Variants in CRMP1 observed in about 807,000 individuals in gnomAD.
The protein encoded by CRMP1 is collapsin response mediator protein 1.
A neutral mutation model predicts 68.3 loss-of-function variants in CRMP1; 19 were observed. The observed-to-expected ratio is 0.28, with a 90% CI of 0.19 to 0.41. The LOEUF (loss-of-function observed/expected upper bound fraction) is 0.41, where lower values mean the gene tolerates loss of function less well. CRMP1 is among the 10% of genes least tolerant of loss of function. The pLI is 1.00. For missense variants in CRMP1, 791 were observed against 967.4 expected, an observed-to-expected ratio of 0.82 and a Z score of 2.42; for synonymous variants, 439 against 399.6, an observed-to-expected ratio of 1.10 and a Z score of -1.18.
intron 6 of CRMP1, among the ~76,000 whole-genome samples, chr4:5,845,827 T>G (rs1171082188): frequency 1.3e-5 from 2 of 152,070 alleles, no homozygotes; most frequent in Admixed American, 1.3e-4. Flanking sequence ...GAATGGACTC[T>G]TAGAAGAAAT....
Position 5,865,953 on chromosome 4 carries a change from TTCAGGAAGGCC to T in CRMP1, c.470+704_470+714del, listed in dbSNP as rs1486448368. 6.6e-6 allele frequency among the ~76,000 whole-genome samples: 1 copy of T among 151,960 alleles called. No individual in the cohort carries two copies. Among genetic ancestry groups the T allele is most frequent in the Non-Finnish European group, 1.5e-5 (1 of 67,984 alleles). On this transcript the variant is annotated intron_variant, in intron 2 of 13. Coordinates refer to ENST00000324989, the MANE Select transcript of CRMP1 (RefSeq NM_001014809.3). The surrounding 1 kb of genome is among the most constrained non-coding windows in gnomAD (Gnocchi z 4.1). ...GCCAAGGAAGAACCTCAGGAAGAAG[TTCAGGAAGGCC>T]TCAGGAAGAACCAACCCTGACGGCA...
Position 5,890,530 on chromosome 4 carries a change from G to T in CRMP1, c.381+2059C>A, listed in dbSNP as rs113380772. Among the ~76,000 whole-genome samples, 593 of 152,378 alleles carry T rather than the reference G, an allele frequency of 3.9e-3. 4 individuals are homozygous for T. The highest frequency in any genetic ancestry group is 0.013 in the African/African-American group (529 of 41,596). On this transcript the variant is annotated intron_variant, in intron 1 of 13. Coordinates refer to ENST00000324989, the MANE Select transcript of CRMP1 (RefSeq NM_001014809.3). This position sits in a 1 kb window ranked among gnomAD's most constrained non-coding sequence, Gnocchi z 5.5. ...AAGCCTCAAGGCCGCTCTGCCGGCAGAAAGTAAAACCCTCCCTCCGTGGAG... is the reference window on the plus strand; with the variant it reads ...AAGCCTCAAGGCCGCTCTGCCGGCATAAAGTAAAACCCTCCCTCCGTGGAG...
chr4:5,859,412 C>T lies in CRMP1; in HGVS notation c.655+1614G>A, dbSNP rs1239146539. On this transcript the variant is annotated intron_variant, in intron 3 of 13. Transcript: ENST00000324989. This position sits in a 1 kb window ranked among gnomAD's most constrained non-coding sequence, Gnocchi z 5.2. ...ATCCCAGGAACCCTGGCTCCTCATC[C>T]AGTACTCCTTCCCCTGCCCTGTGCA... 4.6e-5 allele frequency among the ~76,000 whole-genome samples: 7 copies of T among 152,224 alleles called. No homozygotes were observed. The highest frequency in any genetic ancestry group is 1.7e-4 in the African/African-American group (7 of 41,446).
Position 5,861,297 on chromosome 4 carries a change from A to G in CRMP1, c.471-87T>C, listed in dbSNP as rs2152468001. 1 of 1,398,552 alleles carries G rather than the reference A, an allele frequency of 7.2e-7. No individual in the cohort carries two copies. The highest frequency in any genetic ancestry group is 1.3e-5 in the South Asian group (1 of 76,476). The allele number at this position is 1,398,552 out of a possible 1,614,324, so 86.6% of individuals were successfully genotyped here. A position where few individuals can be genotyped will look rare whatever the true frequency, so the allele number is the denominator to read the frequency against. On this transcript the variant is annotated intron_variant, in intron 2 of 13. Coordinates refer to ENST00000324989, the MANE Select transcript of CRMP1 (RefSeq NM_001014809.3). The surrounding 1 kb of genome is among the most constrained non-coding windows in gnomAD (Gnocchi z 6.0). ...CCGCAGCTTCAGTTCCATGAAATAA[A>G]CATTTCTGAGCCAGGCCCTTCACAA...
At position 5,829,281 on chromosome 4, in the gene CRMP1, C is replaced by T. The variant is rs548337192; in HGVS notation, c.1624-613G>A. Reference sequence around the variant, plus strand: ...GCTCATGCCTGTACCCCCAACTACTCGGGAGGCTGAGGTATGAGAACTGCT... The same window carrying T: ...GCTCATGCCTGTACCCCCAACTACTTGGGAGGCTGAGGTATGAGAACTGCT... On this transcript the variant is annotated intron_variant, in intron 11 of 13. Transcript: ENST00000324989. 3.9e-5 allele frequency among the ~76,000 whole-genome samples: 6 copies of T among 152,188 alleles called. No homozygotes were observed. In the East Asian group the frequency reaches 1.2e-3, roughly 29 times the overall value.
chr4:5,883,060 T>C lies in CRMP1; in HGVS notation c.381+9529A>G, dbSNP rs948578986. ...TCCTCTGATTCACCTGTGTGAAATA[T>C]TCCACCCACCTTGCATGCCCTTCCC... On this transcript the variant is annotated intron_variant, in intron 1 of 13. Coordinates refer to ENST00000324989, the MANE Select transcript of CRMP1 (RefSeq NM_001014809.3). This position sits in a 1 kb window ranked among gnomAD's most constrained non-coding sequence, Gnocchi z 4.5. Among the ~76,000 whole-genome samples the C allele has an allele frequency of 3.9e-5, 6 of 152,142 alleles. No homozygotes were observed. Among genetic ancestry groups the C allele is most frequent in the Non-Finnish European group, 8.8e-5 (6 of 68,024 alleles).
At chr4:5,887,033 G>T (rs1416970592) in intron 1 of CRMP1, among the ~76,000 whole-genome samples, 2 of 152,130 alleles carry the variant, frequency 1.3e-5, no homozygotes, top group African/African-American at 4.8e-5. Context: ...GCAGGACAGT[G>T]CAGGGGAGGC....
rs971703505 is a variant in CRMP1 at position 5,842,200 on chromosome 4, T to C, written c.1033-772A>G. Among the ~76,000 whole-genome samples the C allele has an allele frequency of 1.3e-5, 2 of 151,930 alleles. No homozygotes were observed. The highest frequency in any genetic ancestry group is 2.4e-5 in the African/African-American group (1 of 41,366). ...TTGCAGTGAGCCAAGATGGCGCCAC[T>C]TCACTCCAGCCTGGGCGACAGAGCG... is the stretch of plus-strand genomic sequence containing the variant. On this transcript the variant is annotated intron_variant, in intron 7 of 13. Transcript: ENST00000324989. This position sits in a 1 kb window ranked among gnomAD's most constrained non-coding sequence, Gnocchi z 4.5.
At chr4:5,868,302 T>TATATATAC (rs1408017840) in intron 1 of CRMP1, among the ~76,000 whole-genome samples, 2 of 126,872 alleles carry the variant, frequency 1.6e-5, no homozygotes, top group African/African-American at 5.9e-5. Context: ...TATATATATA[T>TATATATAC]ACATAATTTT....
Position 5,888,549 on chromosome 4 carries a change from C to T in CRMP1, c.381+4040G>A, listed in dbSNP as rs998970239. On this transcript the variant is annotated intron_variant, in intron 1 of 13. Transcript: ENST00000324989. The surrounding 1 kb of genome is among the most constrained non-coding windows in gnomAD (Gnocchi z 6.4). The stretch of plus-strand genomic sequence containing the variant: ...GGAGGGGGCTGCAGACAGCTCCTCC[C>T]GGCGGCGCGGAGCGAAGCCGGATTC... 2.9e-5 allele frequency: 33 copies of T among 1,143,234 alleles called. No homozygotes were observed. The highest frequency in any genetic ancestry group is 4.4e-5 in the South Asian group (1 of 22,724). The allele number at this position is 1,143,234 out of a possible 1,614,324, so 70.8% of individuals were successfully genotyped here. A position where few individuals can be genotyped will look rare whatever the true frequency, so the allele number is the denominator to read the frequency against.
intron 6 of CRMP1, among the ~76,000 whole-genome samples, chr4:5,846,355 G>A (rs1465604238): frequency 6.6e-6 from 1 of 152,158 alleles, no homozygotes; most frequent in East Asian, 1.9e-4. Flanking sequence ...GGCTGTGCCT[G>A]TGGACCATCT....
rs1281226236 is a variant in CRMP1 at position 5,855,839 on chromosome 4, A to G, written c.820+304T>C. ...CAGCATAGCCAGTTTCAGGGATGGC[A>G]GCCAGGCTAGTGATCCGGGTGATGG... is the stretch of plus-strand genomic sequence containing the variant. On this transcript the variant is annotated intron_variant, in intron 4 of 13. Coordinates refer to ENST00000324989, the MANE Select transcript of CRMP1 (RefSeq NM_001014809.3). This position sits in a 1 kb window ranked among gnomAD's most constrained non-coding sequence, Gnocchi z 4.9. Among the ~76,000 whole-genome samples the G allele has an allele frequency of 6.6e-6, 1 of 152,202 alleles. No homozygotes were observed. Among genetic ancestry groups the G allele is most frequent in the African/African-American group, 2.4e-5 (1 of 41,456 alleles).
rs879650188 is a variant in CRMP1, at chr4:5,825,874, T to G, written c.1804-215A>C. 0.033 allele frequency: 17,796 copies of G among 540,954 alleles called. 387 individuals are homozygous for G. Among genetic ancestry groups the G allele is most frequent in the African/African-American group, 0.053 (2,663 of 50,112 alleles). 33.5% of individuals were successfully genotyped at this position (540,954 alleles called of 1,614,324 possible). ...ACACAAGCATGCATACACACACATC[T>G]ACATACCCACATGCATACACATACA... On this transcript the variant is annotated intron_variant, in intron 12 of 13. Transcript: ENST00000324989. This position sits in a 1 kb window ranked among gnomAD's most constrained non-coding sequence, Gnocchi z 4.4.
rs556424311 is a variant in CRMP1 at position 5,843,976 on chromosome 4, A to G, written c.964-815T>C. 2.0e-5 allele frequency among the ~76,000 whole-genome samples: 3 copies of G among 152,020 alleles called. No individual in the cohort carries two copies. In the South Asian group the frequency reaches 6.3e-4, roughly 32 times the overall value. On this transcript the variant is annotated intron_variant, in intron 6 of 13. Coordinates refer to ENST00000324989, the MANE Select transcript of CRMP1 (RefSeq NM_001014809.3). This position sits in a 1 kb window ranked among gnomAD's most constrained non-coding sequence, Gnocchi z 4.1. Reference sequence around the variant, plus strand: ...TAATTTCTAAAATAAAAAATAAAAAAAAAATTTGACATTGCCCAGATGCCA... The same window carrying G: ...TAATTTCTAAAATAAAAAATAAAAAGAAAATTTGACATTGCCCAGATGCCA...
chr4:5,827,964 A>G, intron 12 of CRMP1: 9 of 890,942 alleles, frequency 1.0e-5, no homozygotes, highest in South Asian at 5.1e-5. Flanking sequence ...AAGGTTGTTC[A>G]AGGAAAATAA....
intron 12 of CRMP1, among the ~76,000 whole-genome samples, chr4:5,827,311 G>A (rs1284153277): frequency 3.9e-5 from 6 of 152,132 alleles, no homozygotes; most frequent in Non-Finnish European, 5.9e-5. Flanking sequence ...TCCTCATATG[G>A]CCTGCTGCCT....
chr4:5,885,166 CA>C (rs1181982311), intron 1 of CRMP1, among the ~76,000 whole-genome samples: 3 of 152,124 alleles, frequency 2.0e-5, no homozygotes, highest in Admixed American at 6.6e-5. Context: ...TCAACATGAG[CA>C]GAACGATCAG....
intron 13 of CRMP1, chr4:5,824,212 T>TAA: frequency 1.2e-6 from 1 of 806,434 alleles, no homozygotes. Context: ...CCTTGAGAGC[T>TAA]TGTGTCTTGT....
In CRMP1 at chr4:5,825,683, G is replaced by A; in HGVS notation, c.1804-24C>T. On this transcript the variant is annotated intron_variant, in intron 12 of 13. Coordinates refer to ENST00000324989, the MANE Select transcript of CRMP1 (RefSeq NM_001014809.3). This position sits in a 1 kb window ranked among gnomAD's most constrained non-coding sequence, Gnocchi z 4.4. ...ACCTAAACAGAGGAAGGGAGAGTGT[G>A]ATTGATCGACACTGTGCATGTGTGC... The A allele has an allele frequency of 6.2e-7, 1 of 1,610,302 alleles. No homozygotes were observed. The highest frequency in any genetic ancestry group is 8.5e-7 in the Non-Finnish European group (1 of 1,177,874).
Sources: allele counts gnomAD v4.1 joint callset (sites outside exome capture counted in the v4.1 genomes callset), GRCh38; gene constraint gnomAD v4.1.1; non-coding constraint Gnocchi (gnomAD v3.1); transcripts MANE v1.5; gene names NCBI Gene and HGNC (gene_info 2026-07-23, HGNC 2026-07-21).